Variants in DIS3L2 observed in about 807,000 individuals in gnomAD.
DIS3L2 encodes DIS3-like exonuclease 2.
DIS3L2 carries 34 observed loss-of-function variants against 97.5 expected under a neutral mutation model. The observed-to-expected ratio is 0.35, with a 90% confidence interval of 0.27 to 0.46. DIS3L2 has a LOEUF of 0.46. Ranked by LOEUF, DIS3L2 falls within the 20% of genes least tolerant of loss-of-function variation. DIS3L2 has a pLI of 1.00. For synonymous variants in DIS3L2, 435 were observed against 445.2 expected (o/e 0.98, Z 0.29); for missense variants, 1,038 against 1,146.0 (o/e 0.91, Z 1.36).
At chr2:232,233,320 A>T (rs927195468) in intron 10 of DIS3L2, among the ~76,000 whole-genome samples, 3 of 152,178 alleles carry the variant, frequency 2.0e-5, no homozygotes, top group African/African-American at 7.2e-5. Flanking sequence ...TTCCTGGTTC[A>T]TGGAACAGCA....
chr2:232,190,503 G>A (rs1286358739), intron 9 of DIS3L2, among the ~76,000 whole-genome samples: 1 of 152,058 alleles, frequency 6.6e-6, no homozygotes, highest in African/African-American at 2.4e-5. Flanking sequence ...ACAATTTTTG[G>A]ATTGGGAAAG....
chr2:232,109,410 C>A (rs1215348725), intron 6 of DIS3L2, among the ~76,000 whole-genome samples: 1 of 152,042 alleles, frequency 6.6e-6, no homozygotes, highest in East Asian at 1.9e-4. Context: ...CACTACACTC[C>A]AGCCTGGGCG....
At chr2:232,222,096 C>G (rs1258047596) in intron 10 of DIS3L2, among the ~76,000 whole-genome samples, 1 of 151,950 alleles carries the variant, frequency 6.6e-6, no homozygotes, top group Non-Finnish European at 1.5e-5. Flanking sequence ...GCACACGCCA[C>G]TGTGCCTGGC....
At chr2:232,228,069 C>T (rs1045043171) in intron 10 of DIS3L2, among the ~76,000 whole-genome samples, 2 of 152,200 alleles carry the variant, frequency 1.3e-5, no homozygotes, top group South Asian at 2.1e-4. Flanking sequence ...CCGGTTCAAG[C>T]GATTCTCCTG....
intron 6 of DIS3L2, among the ~76,000 whole-genome samples, chr2:232,128,117 AT>A (rs377354211): frequency 9.4e-5 from 14 of 148,342 alleles, no homozygotes; most frequent in Admixed American, 4.7e-4. Context: ...CACCTGGTGG[AT>A]TTTTTTTTTG....
chr2:232,283,670 A>G (rs1427172886), intron 13 of DIS3L2, among the ~76,000 whole-genome samples: 1 of 152,222 alleles, frequency 6.6e-6, no homozygotes, highest in African/African-American at 2.4e-5. Flanking sequence ...TCCTGACCTT[A>G]GGATTATTTG....
intron 1 of DIS3L2, among the ~76,000 whole-genome samples, chr2:231,991,961 C>T (rs1456698281): frequency 1.3e-5 from 2 of 152,170 alleles, no homozygotes; most frequent in East Asian, 1.9e-4. Context: ...ATACTGGAAC[C>T]CTCAACACTT....
At chr2:232,135,689 C>T (rs954138746) in intron 7 of DIS3L2, among the ~76,000 whole-genome samples, 1 of 151,976 alleles carries the variant, frequency 6.6e-6, no homozygotes, top group Non-Finnish European at 1.5e-5. Flanking sequence ...TGGAGGTTTC[C>T]TGCAGACAGG....
Position 232,300,055 on chromosome 2 carries a change from A to G in DIS3L2, c.1675A>G (p.Thr559Ala). 6.2e-7 allele frequency: 1 copy of G among 1,613,600 alleles called. No homozygotes were observed. The highest frequency in any genetic ancestry group is 1.1e-5 in the South Asian group (1 of 91,058). ...CTCTCTTCAGCTAAAGCTTGCTTTCACTCTGGACCACGAGACCGGATTGCC... is the reference window on the plus strand; with the variant it reads ...CTCTCTTCAGCTAAAGCTTGCTTTCGCTCTGGACCACGAGACCGGATTGCC... ...LRLDQLKLAF[T>A]LDHETGLPQG... Residue 559 changes from threonine to alanine, a missense_variant, in exon 14 of 21, where the codon ACT becomes GCT. Physicochemically the swap from Thr to Ala is moderately conservative, Grantham distance 58 (BLOSUM62 0). Transcript: ENST00000325385.
At chr2:232,057,698 C>T (rs1695586576) in intron 5 of DIS3L2, among the ~76,000 whole-genome samples, 1 of 152,146 alleles carries the variant, frequency 6.6e-6, no homozygotes, top group Non-Finnish European at 1.5e-5. Flanking sequence ...GAGATCACCA[C>T]TAGAGAACCC....
intron 14 of DIS3L2, 28 bp from the exon 15 acceptor site, chr2:232,329,785 T>TGCCGGGGGGCGCCCC: frequency 3.1e-6 from 3 of 967,144 alleles, no homozygotes; most frequent in Non-Finnish European, 4.4e-6. Flanking sequence ...ACCCCAGCGG[T>TGCCGGGGGGCGCCCC]CCCTCCCATC....
chr2:232,181,313 TA>T, intron 9 of DIS3L2, among the ~76,000 whole-genome samples: 1 of 152,094 alleles, frequency 6.6e-6, no homozygotes, highest in South Asian at 2.1e-4. Context: ...TCTCGAGGAG[TA>T]TCTTTGTGGC....
At chr2:232,186,278 A>G (rs545568919) in intron 9 of DIS3L2, among the ~76,000 whole-genome samples, 2 of 152,328 alleles carry the variant, frequency 1.3e-5, no homozygotes, top group South Asian at 2.1e-4. Flanking sequence ...GAACATACAA[A>G]TGGTTTTTCA....
At position 232,263,235 on chromosome 2, in the gene DIS3L2, T is replaced by C. The variant is rs1208826641; in HGVS notation, c.1454T>C (p.Ile485Thr). The change falls in exon 13 of 21, where the codon ATC (isoleucine) becomes ACC (threonine). Residue 485 changes from isoleucine to threonine, a missense_variant. Physicochemically the swap from Ile to Thr is moderately conservative, Grantham distance 89. This residue lies in a region of DIS3L2 where 813 missense variants were observed against 880.1 expected (regional missense o/e 0.92). Coordinates refer to ENST00000325385, the MANE Select transcript of DIS3L2 (RefSeq NM_152383.5). ...KILDEWFGRT[I>T]IRSCTKLSYE... ...CTTGATGAATGGTTTGGCCGGACCA[T>C]CATCCGCTCCTGCACCAAACTTAGC... 6.2e-7 allele frequency: 1 copy of C among 1,614,244 alleles called. No homozygotes were observed. Among genetic ancestry groups the C allele is most frequent in the South Asian group, 1.1e-5 (1 of 91,082 alleles).
intron 14 of DIS3L2, among the ~76,000 whole-genome samples, chr2:232,302,933 T>G (rs1694898715): frequency 6.6e-6 from 1 of 152,174 alleles, no homozygotes; most frequent in Non-Finnish European, 1.5e-5. Context: ...GTTAATTAAT[T>G]ATTAATAGTA....
chr2:232,275,491 G>T (rs759546409), intron 13 of DIS3L2, among the ~76,000 whole-genome samples: 3 of 152,070 alleles, frequency 2.0e-5, no homozygotes, highest in Non-Finnish European at 4.4e-5. Context: ...CCATTGTATT[G>T]TCTACAAGGT....
chr2:232,205,234 ATAT>A (rs1188709485), intron 9 of DIS3L2, among the ~76,000 whole-genome samples: 2 of 138,658 alleles, frequency 1.4e-5, no homozygotes, highest in African/African-American at 5.2e-5. Context: ...ATATATATAT[ATAT>A]AAAATGCAGT....
At chr2:232,132,854 C>CT (rs746898285) in intron 7 of DIS3L2, among the ~76,000 whole-genome samples, 7 of 152,022 alleles carry the variant, frequency 4.6e-5, no homozygotes, top group African/African-American at 7.3e-5. Context: ...GACTGCGACT[C>CT]TCGTCTACCC....
At chr2:232,302,240 A>G (rs1430111909) in intron 14 of DIS3L2, among the ~76,000 whole-genome samples, 2 of 151,210 alleles carry the variant, frequency 1.3e-5, no homozygotes, top group East Asian at 3.9e-4. Context: ...CCTGTAGTGG[A>G]GTGGGGGGAG....
Sources: allele counts gnomAD v4.1 joint callset (sites outside exome capture counted in the v4.1 genomes callset), GRCh38; gene constraint gnomAD v4.1.1; regional missense constraint gnomAD v4.1.1; transcripts MANE v1.5; gene names NCBI Gene and HGNC (gene_info 2026-07-23, HGNC 2026-07-21).